Variants in UNC79 observed in about 807,000 individuals in gnomAD.
UNC79 encodes the protein protein unc-79 homolog.
A neutral mutation model predicts 283.1 loss-of-function variants in UNC79; 37 were observed. That is an observed-to-expected ratio of 0.13 (90% CI 0.10 to 0.17). The LOEUF is 0.17. Among genes scored for constraint, UNC79 ranks in the 10% least tolerant of loss-of-function variants. UNC79 has a pLI of 1.00. For missense variants in UNC79, 2,272 were observed against 3,211.1 expected, an observed-to-expected ratio of 0.71 and a Z score of 7.07; for synonymous variants, 1,107 against 1,200.2, an observed-to-expected ratio of 0.92 and a Z score of 1.61.
At chr14:93,699,206 T>TA (rs1471619339) in intron 47 of UNC79, among the ~76,000 whole-genome samples, 2 of 152,214 alleles carry the variant, frequency 1.3e-5, no homozygotes, top group African/African-American at 2.4e-5. Context: ...TTGTTGGGTT[T>TA]AAATCTATTA....
chr14:93,482,546 C>T (rs764426549), intron 4 of UNC79, among the ~76,000 whole-genome samples: 7 of 152,110 alleles, frequency 4.6e-5, no homozygotes, highest in Non-Finnish European at 8.8e-5. Context: ...GAGGTGAGAC[C>T]GCTTTTTAAT....
At chr14:93,410,320 T>C (rs974241347) in intron 1 of UNC79, among the ~76,000 whole-genome samples, 2 of 152,240 alleles carry the variant, frequency 1.3e-5, no homozygotes, top group African/African-American at 4.8e-5. Flanking sequence ...ACTTTAGTTC[T>C]GGCAAGTCTT....
chr14:93,669,020 A>G (rs564241142), intron 40 of UNC79, among the ~76,000 whole-genome samples: 2 of 147,038 alleles, frequency 1.4e-5, no homozygotes, highest in South Asian at 4.3e-4. Context: ...CAAGAACTTT[A>G]TGGAGATAAC....
chr14:93,347,520 G>C, intron 1 of UNC79: 1 of 1,152,376 alleles, frequency 8.7e-7, no homozygotes, highest in Non-Finnish European at 1.1e-6. Flanking sequence ...TGGCTTGGTC[G>C]CCGTTGGGGG....
intron 14 of UNC79, among the ~76,000 whole-genome samples, chr14:93,569,109 C>T (rs1452819012): frequency 3.3e-5 from 5 of 152,192 alleles, no homozygotes; most frequent in Non-Finnish European, 7.3e-5. Flanking sequence ...GGGTCTAAAG[C>T]AGAATTACTT....
At chr14:93,564,640 C>T (rs1424739541) in intron 14 of UNC79, among the ~76,000 whole-genome samples, 1 of 152,136 alleles carries the variant, frequency 6.6e-6, no homozygotes, top group Non-Finnish European at 1.5e-5. Flanking sequence ...TTTTAATCAC[C>T]TGGGTGCAGG....
chr14:93,695,890 CAAAAAAA>C (rs535235954), intron 47 of UNC79, among the ~76,000 whole-genome samples: 12 of 39,440 alleles, frequency 3.0e-4, no homozygotes, highest in Non-Finnish European at 4.7e-4. Flanking sequence ...GACTTTGTCT[CAAAAAAA>C]AAAAAAAAAA....
intron 14 of UNC79, among the ~76,000 whole-genome samples, chr14:93,571,398 T>C (rs890889361): frequency 4.6e-5 from 7 of 152,280 alleles, no homozygotes; most frequent in South Asian, 2.1e-4. Flanking sequence ...AGGAAAAAAA[T>C]TGTGGCAGGG....
At chr14:93,594,113 T>A (rs1595991283) in intron 23 of UNC79, among the ~76,000 whole-genome samples, 1 of 152,192 alleles carries the variant, frequency 6.6e-6, no homozygotes, top group East Asian at 1.9e-4. Flanking sequence ...CACCCATGTT[T>A]ACTCCCAAAC....
chr14:93,603,278 A>T (rs199549350), exon 26 of UNC79: 3 of 1,614,220 alleles, frequency 1.9e-6, no homozygotes, highest in Non-Finnish European at 2.5e-6. Flanking sequence ...AACCTCAGCG[A>T]TGCAGCCTTA....
At chr14:93,671,242 A>G (rs1199451998) in intron 40 of UNC79, among the ~76,000 whole-genome samples, 1 of 152,216 alleles carries the variant, frequency 6.6e-6, no homozygotes, top group African/African-American at 2.4e-5. Flanking sequence ...ACAATATTAT[A>G]TATTATAATG....
intron 1 of UNC79, among the ~76,000 whole-genome samples, chr14:93,357,021 C>G (rs1466634691): frequency 6.6e-6 from 1 of 152,186 alleles, no homozygotes; most frequent in African/African-American, 2.4e-5. Flanking sequence ...ACCCTTCAAA[C>G]TGAAGTAGGC....
intron 41 of UNC79, among the ~76,000 whole-genome samples, chr14:93,676,789 C>T (rs1381505878): frequency 1.3e-5 from 2 of 152,174 alleles, no homozygotes; most frequent in Non-Finnish European, 1.5e-5. Context: ...GTGATTATTG[C>T]ATCACAGTTA....
At chr14:93,517,813 G>A (rs920457486) in intron 7 of UNC79, among the ~76,000 whole-genome samples, 4 of 151,332 alleles carry the variant, frequency 2.6e-5, no homozygotes, top group African/African-American at 7.3e-5. Flanking sequence ...CTAAAGTTTT[G>A]CAGCCTTTGA....
chr14:93,667,478 A>G (rs1176220476), intron 40 of UNC79, among the ~76,000 whole-genome samples: 2 of 152,166 alleles, frequency 1.3e-5, no homozygotes, highest in African/African-American at 4.8e-5. Flanking sequence ...CTAGAAATAT[A>G]TAATACAAAA....
chr14:93,570,539 T>A (rs1461316583), intron 14 of UNC79, among the ~76,000 whole-genome samples: 1 of 152,230 alleles, frequency 6.6e-6, no homozygotes, highest in Non-Finnish European at 1.5e-5. Flanking sequence ...AGCCTTCCCC[T>A]GGGCCATGTG....
intron 47 of UNC79, among the ~76,000 whole-genome samples, chr14:93,700,193 T>G (rs185973403): frequency 2.6e-5 from 4 of 152,222 alleles, no homozygotes; most frequent in Admixed American, 2.6e-4. Flanking sequence ...ATGTCTTTTT[T>G]CCTCTGTTGT....
chr14:93,545,585 C>G (rs1348061816), intron 14 of UNC79, among the ~76,000 whole-genome samples: 1 of 152,140 alleles, frequency 6.6e-6, no homozygotes, highest in Admixed American at 6.5e-5. Flanking sequence ...ATGCAGGTAT[C>G]GAATCTGTTT....
chr14:93,595,050 C>G (rs2064971861), intron 23 of UNC79, among the ~76,000 whole-genome samples: 1 of 150,436 alleles, frequency 6.6e-6, no homozygotes, highest in Non-Finnish European at 1.5e-5. Context: ...AATCTCGGCT[C>G]TGGTTATGTT....
Sources: allele counts gnomAD v4.1 joint callset (sites outside exome capture counted in the v4.1 genomes callset), GRCh38; gene constraint gnomAD v4.1.1; transcripts MANE v1.5; gene names NCBI Gene and HGNC (gene_info 2026-07-23, HGNC 2026-07-21).